PTPRN2: variants seen among roughly 807,000 people sequenced by gnomAD.
PTPRN2 encodes the protein receptor-type tyrosine-protein phosphatase N2.
PTPRN2 carries 74 observed loss-of-function variants against 118.8 expected under a neutral mutation model. The observed-to-expected ratio is 0.62, with a 90% CI of 0.52 to 0.76. The LOEUF (loss-of-function observed/expected upper bound fraction) is 0.76. Ranked by LOEUF, PTPRN2 falls within the 30% of genes least tolerant of loss-of-function variation. The pLI is 0.00. For synonymous variants in PTPRN2, 641 were observed against 608.0 expected (o/e 1.05, Z -0.80); for missense variants, 1,481 against 1,394.4 (o/e 1.06, Z -0.99).
In PTPRN2 at chr7:158,271,823, T is replaced by C. The variant is rs112564624; in HGVS notation, c.277+44996A>G. Among the ~76,000 whole-genome samples the C allele has an allele frequency of 9.1e-3, 1,384 of 152,228 alleles. 20 individuals carry two copies. Among genetic ancestry groups the C allele is most frequent in the African/African-American group, 0.031 (1,306 of 41,532 alleles). ...CCTGAGGCCTCTTTCAGAAGCGCAT[T>C]AGCCCATCCGTGAGGCTCTTCCTCA... On this transcript the variant is annotated intron_variant, in intron 3 of 22. Coordinates refer to ENST00000389418, the MANE Select transcript of PTPRN2 (RefSeq NM_002847.5).
At chr7:158,283,651 G>A (rs922978038) in intron 3 of PTPRN2, among the ~76,000 whole-genome samples, 10 of 152,102 alleles carry the variant, frequency 6.6e-5, no homozygotes, top group Admixed American at 4.6e-4. Context: ...GGTGTTGGCC[G>A]CCAATGGCAT....
Position 157,603,923 on chromosome 7 carries a change from G to T in PTPRN2, c.2418+79C>A, listed in dbSNP as rs112698508. The T allele has an allele frequency of 7.2e-7, 1 of 1,391,980 alleles. No individual in the cohort carries two copies. Among genetic ancestry groups the T allele is most frequent in the Non-Finnish European group, 1.0e-6 (1 of 988,822 alleles). 86.2% of individuals were successfully genotyped at this position (1,391,980 alleles called of 1,614,324 possible). Reference sequence around the variant, plus strand: ...GCTGGGTGGGGACGTGATTTCCCCCGAGAACCTTCCCACGTGATTTGCCGC... The same window carrying T: ...GCTGGGTGGGGACGTGATTTCCCCCTAGAACCTTCCCACGTGATTTGCCGC... On this transcript the variant is annotated intron_variant, in intron 16 of 22. Transcript: ENST00000389418. The surrounding 1 kb of genome is among the most constrained non-coding windows in gnomAD (Gnocchi z 5.4).
intron 12 of PTPRN2, among the ~76,000 whole-genome samples, chr7:157,832,645 G>A (rs1257931101): frequency 6.6e-6 from 1 of 152,244 alleles, no homozygotes; most frequent in African/African-American, 2.4e-5. Context: ...ACGTGTGGGG[G>A]AGGTGAGGGT....
chr7:158,286,863 G>A (rs1344226346), intron 3 of PTPRN2, among the ~76,000 whole-genome samples: 3 of 152,148 alleles, frequency 2.0e-5, no homozygotes, highest in East Asian at 1.9e-4. Context: ...TGCTGACCTC[G>A]TAAAATGAGT....
intron 3 of PTPRN2, among the ~76,000 whole-genome samples, chr7:158,303,168 CAA>C (rs542953447): frequency 5.2e-4 from 62 of 119,792 alleles, no homozygotes; most frequent in East Asian, 9.9e-4. Context: ...ACTAACCCAC[CAA>C]AAAAAAAAAA....
At chr7:158,144,366 G>A (rs760694422) in intron 6 of PTPRN2, among the ~76,000 whole-genome samples, 15 of 152,160 alleles carry the variant, frequency 9.9e-5, no homozygotes, top group East Asian at 1.9e-4. Flanking sequence ...AGCCGGACGC[G>A]GTGGCTCACA....
At chr7:158,268,815 C>T (rs866155932) in intron 3 of PTPRN2, among the ~76,000 whole-genome samples, 6 of 141,586 alleles carry the variant, frequency 4.2e-5, no homozygotes, top group Non-Finnish European at 9.2e-5. Context: ...ATATCCCAGC[C>T]GCACGCACAC....
rs185478105 is a variant in PTPRN2, at chr7:157,803,665, C to T, written c.1788+95008G>A. Among the ~76,000 whole-genome samples the T allele has an allele frequency of 1.3e-3, 193 of 152,326 alleles. 1 individual carries two copies. The highest frequency in any genetic ancestry group is 3.4e-3 in the Admixed American group (52 of 15,306). ...TTTGCATGTGGACATCCAGTTTCCC[C>T]AGCACCTGTGAAGAGGCGACCCTTC... On this transcript the variant is annotated intron_variant, in intron 12 of 22. Coordinates refer to ENST00000389418, the MANE Select transcript of PTPRN2 (RefSeq NM_002847.5).
At chr7:157,778,225 G>A (rs1455290458) in intron 12 of PTPRN2, among the ~76,000 whole-genome samples, 6 of 152,100 alleles carry the variant, frequency 3.9e-5, no homozygotes, top group East Asian at 1.9e-4. Flanking sequence ...TCAGGCTGAC[G>A]ACTAAACATG....
intron 17 of PTPRN2, among the ~76,000 whole-genome samples, chr7:157,592,788 A>G (rs1328142171): frequency 6.9e-6 from 1 of 144,494 alleles, no homozygotes; most frequent in Non-Finnish European, 1.5e-5. Flanking sequence ...TGTGGGCATC[A>G]TTGTGGTCGT....
At chr7:158,171,113 T>G (rs375697640) in intron 5 of PTPRN2, among the ~76,000 whole-genome samples, 1 of 68,686 alleles carries the variant, frequency 1.5e-5, no homozygotes, top group Non-Finnish European at 2.6e-5. Context: ...CACATATATA[T>G]ACACACATAT....
At chr7:157,641,859 C>T (rs895660976) in intron 14 of PTPRN2, among the ~76,000 whole-genome samples, 31 of 152,162 alleles carry the variant, frequency 2.0e-4, no homozygotes, top group Non-Finnish European at 1.0e-4. Flanking sequence ...CACATGTGGA[C>T]GCACAAAGCT....
intron 11 of PTPRN2, among the ~76,000 whole-genome samples, chr7:157,996,563 C>T (rs1027710987): frequency 6.6e-6 from 1 of 152,226 alleles, no homozygotes; most frequent in African/African-American, 2.4e-5. Flanking sequence ...CACATGGGGG[C>T]TCCCACCACC....
intron 11 of PTPRN2, among the ~76,000 whole-genome samples, chr7:158,031,845 G>A (rs1018452123): frequency 6.6e-6 from 1 of 152,266 alleles, no homozygotes; most frequent in Non-Finnish European, 1.5e-5. Context: ...GCTGTTTACA[G>A]CAGCCTCAGG....
In PTPRN2 at chr7:157,690,037, C is replaced by G. The variant is rs1326331291; in HGVS notation, c.1789-7100G>C. On this transcript the variant is annotated intron_variant, in intron 12 of 22. Coordinates refer to ENST00000389418, the MANE Select transcript of PTPRN2 (RefSeq NM_002847.5). This position sits in a 1 kb window ranked among gnomAD's most constrained non-coding sequence, Gnocchi z 7.1. ...TCCCATCTCCGTGCCTGCACCCCCCCACCCCCAGCACCCTGCAATGGTCGG... is the reference window on the plus strand; with the variant it reads ...TCCCATCTCCGTGCCTGCACCCCCCGACCCCCAGCACCCTGCAATGGTCGG... Among the ~76,000 whole-genome samples, 1 of 152,254 alleles carries G rather than the reference C, an allele frequency of 6.6e-6. No individual in the cohort carries two copies. The highest frequency in any genetic ancestry group is 1.5e-5 in the Non-Finnish European group (1 of 68,050).
intron 11 of PTPRN2, among the ~76,000 whole-genome samples, chr7:158,062,961 C>T (rs115039268): frequency 0.013 from 1,932 of 152,350 alleles, 35 homozygotes; most frequent in African/African-American, 0.034. Flanking sequence ...TGTGGGCTCA[C>T]GGTGCACGAC....
intron 13 of PTPRN2, among the ~76,000 whole-genome samples, chr7:157,661,502 G>C (rs1010597705): frequency 5.9e-5 from 9 of 152,216 alleles, no homozygotes; most frequent in African/African-American, 1.9e-4. Context: ...GCGCTGCTCC[G>C]CTCTGAACCC....
At chr7:157,567,105 A>C (rs1484489271) in intron 21 of PTPRN2, among the ~76,000 whole-genome samples, 1 of 152,244 alleles carries the variant, frequency 6.6e-6, no homozygotes, top group Non-Finnish European at 1.5e-5. Flanking sequence ...GGAGAAATAC[A>C]AATTCCATGG....
At chr7:158,414,022 C>T (rs550758214) in intron 2 of PTPRN2, among the ~76,000 whole-genome samples, 73 of 140,648 alleles carry the variant, frequency 5.2e-4, no homozygotes, top group Non-Finnish European at 8.7e-4. Flanking sequence ...GAGCCGTGAT[C>T]GTGCCACTGC....
Sources: gnomAD v4.1 joint callset for allele counts (sites outside exome capture counted in the v4.1 genomes callset) on GRCh38, gnomAD v4.1.1 for gene constraint, Gnocchi (gnomAD v3.1) non-coding constraint, MANE v1.5 for transcripts, NCBI Gene and HGNC (gene_info 2026-07-23, HGNC 2026-07-21) for gene names.